The following PAAF1 variants were observed in gnomAD, a reference collection of about 807,000 sequenced individuals.
PAAF1 encodes proteasomal ATPase-associated factor 1.
Under a neutral mutation model 52.8 loss-of-function variants are expected in PAAF1, and 46 were observed. The ratio of observed to expected loss-of-function variants is 0.87; its 90% CI spans 0.69 to 1.11. The LOEUF (loss-of-function observed/expected upper bound fraction) is 1.11. Among genes scored for constraint, PAAF1 ranks in the 50% most tolerant of loss-of-function variants. The probability of loss-of-function intolerance (pLI) is 0.00; values close to 1 mark genes in which losing one functional copy is unlikely to be tolerated. For missense variants in PAAF1, 424 were observed against 477.4 expected, an observed-to-expected ratio of 0.89 and a Z score of 1.04; for synonymous variants, 178 against 172.8, an observed-to-expected ratio of 1.03 and a Z score of -0.24.
At chr11:73,901,807 G>T (rs528965058) in intron 6 of PAAF1, among the ~76,000 whole-genome samples, 1 of 151,708 alleles carries the variant, frequency 6.6e-6, no homozygotes, top group East Asian at 1.9e-4. Context: ...TGACCTCAGG[G>T]TGATCCACCA....
At chr11:73,918,286 G>A (rs1836540275) in intron 9 of PAAF1, among the ~76,000 whole-genome samples, 1 of 148,778 alleles carries the variant, frequency 6.7e-6, no homozygotes, top group South Asian at 2.2e-4. Context: ...TATTCCAAGA[G>A]TAGGGAATAA....
Position 73,909,329 on chromosome 11 carries a change from C to A in PAAF1, c.533-70C>A. On this transcript the variant is annotated intron_variant, in intron 6 of 11. Coordinates refer to ENST00000310571, the MANE Select transcript of PAAF1 (RefSeq NM_025155.3). ...TGAAGGGATGGAGTCATTTATGCAGCTCCATCTTCTCTGCCCTTGTAGTTC... is the reference window on the plus strand; with the variant it reads ...TGAAGGGATGGAGTCATTTATGCAGATCCATCTTCTCTGCCCTTGTAGTTC... 4 of 1,408,714 alleles carry A rather than the reference C, an allele frequency of 2.8e-6. No individual in the cohort carries two copies. In the South Asian group the frequency reaches 3.7e-5, roughly 13 times the overall value. 87.3% of individuals were successfully genotyped at this position (1,408,714 alleles called of 1,614,324 possible).
At chr11:73,909,702 T>G in intron 7 of PAAF1, 109 bp downstream of exon 7, 1 of 980,738 alleles carries the variant, frequency 1.0e-6, no homozygotes, top group Non-Finnish European at 1.5e-6. Flanking sequence ...TGCCTGGTAT[T>G]TCTGTTTTCA....
intron 2 of PAAF1, among the ~76,000 whole-genome samples, chr11:73,883,350 C>T (rs1410718810): frequency 2.0e-5 from 3 of 151,994 alleles, no homozygotes; most frequent in African/African-American, 7.3e-5. Flanking sequence ...CTAGTATCAC[C>T]CCCAAAACAG....
chr11:73,922,085 T>G (rs1950234296), intron 10 of PAAF1: 1 of 903,322 alleles, frequency 1.1e-6, no homozygotes. Context: ...CTGTATCTTT[T>G]GTCTCTCTGG....
intron 2 of PAAF1, among the ~76,000 whole-genome samples, chr11:73,883,111 G>A (rs1388321837): frequency 4.6e-5 from 7 of 152,044 alleles, no homozygotes; most frequent in Non-Finnish European, 8.8e-5. Flanking sequence ...ATGTTGCCCA[G>A]GCTGGTCTTG....
intron 6 of PAAF1, among the ~76,000 whole-genome samples, chr11:73,902,995 G>C (rs941300575): frequency 2.0e-5 from 3 of 152,232 alleles, no homozygotes; most frequent in Non-Finnish European, 2.9e-5. Context: ...ACTGCGCCCG[G>C]CCTAGAATGT....
In PAAF1 at chr11:73,927,446, G is replaced by T; in HGVS notation, c.*84G>T. The T allele has an allele frequency of 8.4e-7, 1 of 1,184,348 alleles. No homozygotes were observed. The highest frequency in any genetic ancestry group is 1.3e-5 in the South Asian group (1 of 78,920). The allele number at this position is 1,184,348 out of a possible 1,614,324, so 73.4% of individuals were successfully genotyped here. A position where few individuals can be genotyped will look rare whatever the true frequency, so the allele number is the denominator to read the frequency against. On this transcript the variant is annotated 3_prime_UTR_variant, in exon 12 of 12. Transcript: ENST00000310571. ...AGAAACATCATCAGTCCTTCCCAAG[G>T]ACCATGGCGTTTAATGTCTTGGGCA... is the stretch of plus-strand genomic sequence containing the variant.
intron 3 of PAAF1, chr11:73,889,296 C>G (rs1249924711): frequency 8.8e-7 from 1 of 1,131,852 alleles, no homozygotes; most frequent in Middle Eastern, 2.1e-4. Context: ...CCATGAGTCA[C>G]TTTGCTAATT....
At chr11:73,888,810 A>G (rs1427612657) in intron 3 of PAAF1, 1 of 355,016 alleles carries the variant, frequency 2.8e-6, no homozygotes, top group Non-Finnish European at 5.0e-6. Flanking sequence ...TTTTGGACAA[A>G]TAACTTAGTT....
At chr11:73,883,426 C>T (rs548166281) in intron 2 of PAAF1, among the ~76,000 whole-genome samples, 18 of 152,298 alleles carry the variant, frequency 1.2e-4, no homozygotes, top group South Asian at 4.1e-4. Flanking sequence ...CTTTCTAGCT[C>T]TGTGGATTTG....
chr11:73,916,794 C>T lies in PAAF1; in HGVS notation c.935+134C>T, dbSNP rs77125132. On this transcript the variant is annotated intron_variant, in intron 9 of 11. Transcript: ENST00000310571. The stretch of plus-strand genomic sequence containing the variant: ...TATTTTTCCATTTACAAAGGTTTTC[C>T]AGTCTGAATTTTCTGATTTTTCTTA... The T allele has an allele frequency of 4.1e-3, 2,192 of 532,866 alleles. 40 individuals are homozygous for T. Among genetic ancestry groups the T allele is most frequent in the African/African-American group, 0.035 (1,815 of 51,890 alleles). The allele number at this position is 532,866 out of a possible 1,614,324, so 33.0% of individuals were successfully genotyped here.
chr11:73,887,089 T>C (rs1353195518), intron 2 of PAAF1: 2 of 453,798 alleles, frequency 4.4e-6, no homozygotes, highest in Non-Finnish European at 8.6e-6. Context: ...TCTTGTACAG[T>C]CTGCAGAACC....
chr11:73,918,928 T>G (rs753780250), intron 9 of PAAF1, 22 bp from the exon 10 acceptor site: 2 of 1,599,498 alleles, frequency 1.3e-6, no homozygotes, highest in Non-Finnish European at 1.7e-6. Context: ...AAAGTAAAAT[T>G]TCCCCTTTCT....
Position 73,927,391 on chromosome 11 carries a change from G to A in PAAF1, c.*29G>A, listed in dbSNP as rs1950392731. On this transcript the variant is annotated 3_prime_UTR_variant, in exon 12 of 12. Coordinates refer to ENST00000310571, the MANE Select transcript of PAAF1 (RefSeq NM_025155.3). Reference sequence around the variant, plus strand: ...CTTGGAAAGAGCAGTCCCGGTTAGTGAAAAGGTTTGACCCTGATCAACAAT... The same window carrying A: ...CTTGGAAAGAGCAGTCCCGGTTAGTAAAAAGGTTTGACCCTGATCAACAAT... 1.9e-6 allele frequency: 3 copies of A among 1,574,792 alleles called. No individual in the cohort carries two copies. Among genetic ancestry groups the A allele is most frequent in the Non-Finnish European group, 2.6e-6 (3 of 1,145,460 alleles).
In PAAF1 at chr11:73,914,394, T is replaced by C; in HGVS notation, c.728-19T>C. On this transcript the variant is annotated intron_variant, in intron 7 of 11. Coordinates refer to ENST00000310571, the MANE Select transcript of PAAF1 (RefSeq NM_025155.3). ...CTGATCAGCCTCACTGTTATTAACA[T>C]AGTTTATTTGTCATGCAGGTGAACG... 6.2e-7 allele frequency: 1 copy of C among 1,610,880 alleles called. No homozygotes were observed. Among genetic ancestry groups the C allele is most frequent in the Non-Finnish European group, 8.5e-7 (1 of 1,177,208 alleles).
intron 4 of PAAF1, among the ~76,000 whole-genome samples, chr11:73,896,478 A>G (rs1255565101): frequency 1.3e-5 from 2 of 150,410 alleles, no homozygotes; most frequent in Non-Finnish European, 3.0e-5. Flanking sequence ...TGGGTACTTG[A>G]GATTAGGGAG....
At chr11:73,904,423 T>C (rs1037298947) in intron 6 of PAAF1, among the ~76,000 whole-genome samples, 4 of 152,204 alleles carry the variant, frequency 2.6e-5, no homozygotes, top group African/African-American at 9.6e-5. Context: ...CAGTGAAACA[T>C]TGAGACCAAA....
At chr11:73,892,694 CTG>C (rs10590637) in intron 4 of PAAF1, among the ~76,000 whole-genome samples, 8,648 of 152,166 alleles carry the variant, frequency 0.057, 273 homozygotes, top group Middle Eastern at 0.11. Flanking sequence ...GAGTCTCGCT[CTG>C]TTGCCCAGGC....
Sources: allele counts gnomAD v4.1 joint callset (sites outside exome capture counted in the v4.1 genomes callset), GRCh38; gene constraint gnomAD v4.1.1; transcripts MANE v1.5; gene names NCBI Gene and HGNC (gene_info 2026-07-23, HGNC 2026-07-21).